Variants in CTIF observed in about 807,000 individuals in gnomAD.
CTIF encodes CBP80/20-dependent translation initiation factor.
In CTIF, 21 loss-of-function variants were observed where a neutral mutation model predicts 66.0. The ratio of observed to expected loss-of-function variants is 0.32; its 90% CI spans 0.23 to 0.46. CTIF has a LOEUF of 0.46. Ranked by LOEUF, CTIF falls within the 20% of genes least tolerant of loss-of-function variation. CTIF has a pLI of 1.00. For missense variants in CTIF, 739 were observed against 812.7 expected (o/e 0.91, Z 1.10); for synonymous variants, 345 against 326.4 (o/e 1.06, Z -0.62).
chr18:48,767,214 T>G (rs1487521215), intron 9 of CTIF, among the ~76,000 whole-genome samples: 1 of 152,152 alleles, frequency 6.6e-6, no homozygotes, highest in African/African-American at 2.4e-5. Flanking sequence ...ACCAAAAGTT[T>G]CCTTGGATCC....
intron 6 of CTIF, among the ~76,000 whole-genome samples, chr18:48,694,983 C>T (rs901144227): frequency 3.9e-5 from 6 of 152,334 alleles, no homozygotes; most frequent in Non-Finnish European, 8.8e-5. Flanking sequence ...AAGACCTTAT[C>T]CTTTGTCATT....
At chr18:48,540,844 C>CCG (rs552761323) in intron 1 of CTIF, among the ~76,000 whole-genome samples, 73 of 151,998 alleles carry the variant, frequency 4.8e-4, no homozygotes, top group East Asian at 1.8e-3. Context: ...TCGTGTGTCC[C>CCG]CGCGCGCGCG....
chr18:48,661,656 A>C (rs2091349360), intron 3 of CTIF, among the ~76,000 whole-genome samples: 1 of 152,200 alleles, frequency 6.6e-6, no homozygotes, highest in South Asian at 2.1e-4. Context: ...GGACGATCCT[A>C]GAACATTAGG....
At chr18:48,713,358 T>C (rs1407620186) in intron 7 of CTIF, among the ~76,000 whole-genome samples, 4 of 152,118 alleles carry the variant, frequency 2.6e-5, no homozygotes, top group African/African-American at 9.7e-5. Context: ...AATGGCAGGC[T>C]GCCACCCAGC....
chr18:48,595,553 A>G (rs773975276), intron 1 of CTIF, among the ~76,000 whole-genome samples: 5 of 151,804 alleles, frequency 3.3e-5, no homozygotes, highest in Non-Finnish European at 7.4e-5. Flanking sequence ...CAGCCTCCCA[A>G]ATGGCTGGGA....
chr18:48,554,329 C>T (rs974041353), intron 1 of CTIF, among the ~76,000 whole-genome samples: 1 of 152,368 alleles, frequency 6.6e-6, no homozygotes, highest in South Asian at 2.1e-4. Context: ...ACTGTGCCCT[C>T]TTGCCTCTCT....
intron 8 of CTIF, among the ~76,000 whole-genome samples, chr18:48,758,931 C>T (rs1300744361): frequency 6.6e-6 from 1 of 152,148 alleles, no homozygotes; most frequent in East Asian, 1.9e-4. Flanking sequence ...CTTCATCACC[C>T]AGAGGCCAGG....
At chr18:48,750,941 A>G (rs971808053) in intron 7 of CTIF, among the ~76,000 whole-genome samples, 11 of 152,234 alleles carry the variant, frequency 7.2e-5, no homozygotes, top group African/African-American at 2.2e-4. Flanking sequence ...GCCAAACTAT[A>G]TAAGTTCAAA....
chr18:48,560,531 C>T (rs1289740973), intron 1 of CTIF, among the ~76,000 whole-genome samples: 1 of 151,888 alleles, frequency 6.6e-6, no homozygotes, highest in Admixed American at 6.6e-5. Flanking sequence ...GGCTTGGAGG[C>T]TGTTTTAACC....
Position 48,761,659 on chromosome 18 carries a change from G to C in CTIF, c.1341G>C (p.Lys447Asn). ...KMALFMVEGTKFRSLLLNMLQ... is the reference protein window; with the variant it reads ...KMALFMVEGTNFRSLLLNMLQ... ...CGCTCTTTATGGTGGAGGGGACCAA[G>C]TTCCGGAGCCTGCTCCTCAACATGC... The change falls in exon 9 of 12, where the codon AAG (lysine) becomes AAC (asparagine). Residue 447 changes from lysine (K) to asparagine (N), a missense_variant. By Grantham distance (94) the Lys-to-Asn change is moderately conservative. Coordinates refer to ENST00000256413, the MANE Select transcript of CTIF (RefSeq NM_014772.3). The surrounding 1 kb of genome is among the most constrained non-coding windows in gnomAD (Gnocchi z 4.2). 1.2e-6 allele frequency: 2 copies of C among 1,612,278 alleles called. No individual in the cohort carries two copies. Among genetic ancestry groups the C allele is most frequent in the Non-Finnish European group, 1.7e-6 (2 of 1,178,436 alleles).
chr18:48,700,156 G>C (rs1410421385), intron 6 of CTIF, among the ~76,000 whole-genome samples: 1 of 152,224 alleles, frequency 6.6e-6, no homozygotes, highest in Non-Finnish European at 1.5e-5. Context: ...CTGTTCTCAT[G>C]GTAGTGAGTA....
intron 1 of CTIF, among the ~76,000 whole-genome samples, chr18:48,559,939 C>G (rs533595043): frequency 6.6e-6 from 1 of 152,116 alleles, no homozygotes; most frequent in South Asian, 2.1e-4. Flanking sequence ...ACATGTACCC[C>G]CTAAATAAAT....
intron 4 of CTIF, 147 bp from the exon 5 acceptor site, chr18:48,664,300 C>A (rs937220262): frequency 2.9e-6 from 2 of 688,248 alleles, no homozygotes; most frequent in South Asian, 1.7e-5. Context: ...GCACCTGGGG[C>A]TCCATTCTGA....
Position 48,625,293 on chromosome 18 carries a change from T to C in CTIF, c.180+5548T>C. Reference sequence around the variant, plus strand: ...AGCATGGGGGATTTATTATATATTTTCCCCTTATTTAAAAAATGTATTCTA... The same window carrying C: ...AGCATGGGGGATTTATTATATATTTCCCCCTTATTTAAAAAATGTATTCTA... On this transcript the variant is annotated intron_variant, in intron 2 of 11. Transcript: ENST00000256413. The C allele has an allele frequency of 3.8e-6, 3 of 795,506 alleles. No homozygotes were observed. The South Asian group carries it at 1.7e-4, about 46-fold the overall frequency. The allele number at this position is 795,506 out of a possible 1,614,324, so 49.3% of individuals were successfully genotyped here.
chr18:48,600,050 C>A (rs769638106), intron 1 of CTIF, among the ~76,000 whole-genome samples: 1 of 152,168 alleles, frequency 6.6e-6, no homozygotes, highest in Non-Finnish European at 1.5e-5. Context: ...AATCTCCATG[C>A]CTCTGATTCC....
intron 10 of CTIF, among the ~76,000 whole-genome samples, chr18:48,840,471 T>A (rs2068913744): frequency 6.6e-6 from 1 of 152,196 alleles, no homozygotes; most frequent in Non-Finnish European, 1.5e-5. Flanking sequence ...TGCCCCATTA[T>A]TAAAATTTAT....
rs896551369 is a variant in CTIF at position 48,857,737 on chromosome 18, C to T, written c.1581+96C>T. 6 of 1,172,862 alleles carry T rather than the reference C, an allele frequency of 5.1e-6. No homozygotes were observed. The Admixed American group carries it at 7.1e-5, about 14-fold the overall frequency. 72.7% of individuals were successfully genotyped at this position (1,172,862 alleles called of 1,614,324 possible). A position where few individuals can be genotyped will look rare whatever the true frequency, so the allele number is the denominator to read the frequency against. On this transcript the variant is annotated intron_variant, in intron 11 of 11. Transcript: ENST00000256413. Reference sequence around the variant, plus strand: ...GCACGAGGGTTGTTGGAGGCATTTACAAGTCCAGGGGAAGGTAGGTGGATG... The same window carrying T: ...GCACGAGGGTTGTTGGAGGCATTTATAAGTCCAGGGGAAGGTAGGTGGATG...
intron 9 of CTIF, among the ~76,000 whole-genome samples, chr18:48,805,149 C>G (rs1460329241): frequency 6.6e-6 from 1 of 152,202 alleles, no homozygotes; most frequent in Non-Finnish European, 1.5e-5. Context: ...TCTGTGGGTT[C>G]CATGCTGCAG....
At chr18:48,623,152 G>T (rs59319961) in intron 2 of CTIF, among the ~76,000 whole-genome samples, 20,650 of 152,290 alleles carry the variant, frequency 0.14, 1,457 homozygotes, top group South Asian at 0.25. Context: ...GCAAGGCAAG[G>T]CTGTGGAGGG....
Sources: allele counts gnomAD v4.1 joint callset (sites outside exome capture counted in the v4.1 genomes callset), GRCh38; gene constraint gnomAD v4.1.1; non-coding constraint Gnocchi (gnomAD v3.1); transcripts MANE v1.5; gene names NCBI Gene and HGNC (gene_info 2026-07-23, HGNC 2026-07-21).